Variants in PDE4D observed in about 807,000 individuals in gnomAD.
The protein encoded by PDE4D is 3',5'-cyclic-AMP phosphodiesterase 4D.
Under a neutral mutation model 87.4 loss-of-function variants are expected in PDE4D, and 24 were observed. The ratio of observed to expected loss-of-function variants is 0.27; its 90% CI spans 0.20 to 0.39. PDE4D has a LOEUF of 0.39. PDE4D is among the 10% of genes least tolerant of loss of function. PDE4D has a pLI of 1.00. For missense variants in PDE4D, 714 were observed against 1,041.0 expected (o/e 0.69, Z 4.32); for synonymous variants, 384 against 383.2 (o/e 1.00, Z -0.02).
chr5:59,049,692 A>G (rs80162459), intron 5 of PDE4D, among the ~76,000 whole-genome samples: 2 of 152,206 alleles, frequency 1.3e-5, no homozygotes, highest in Non-Finnish European at 2.9e-5. Context: ...TCATATTATC[A>G]ATATTTTTCA....
In PDE4D at chr5:59,496,438, G is replaced by A. The variant is rs557531185; in HGVS notation, c.456-280470C>T. On this transcript the variant is annotated intron_variant, in intron 1 of 14. Coordinates refer to ENST00000340635, the MANE Select transcript of PDE4D (RefSeq NM_001104631.2). ...GTCCGTGGGCACAGGCCTGGGGGTG[G>A]AGCCCTCGCCAGGGACTCACCCTTC... Among the ~76,000 whole-genome samples, 7 of 152,238 alleles carry A rather than the reference G, an allele frequency of 4.6e-5. No homozygotes were observed. In the East Asian group the frequency reaches 1.2e-3, roughly 25 times the overall value.
chr5:59,814,050 G>C (rs1395539387), intron 1 of PDE4D, among the ~76,000 whole-genome samples: 1 of 152,132 alleles, frequency 6.6e-6, no homozygotes, highest in Non-Finnish European at 1.5e-5. Context: ...TAGCGATTGC[G>C]CTTAGAAAAA....
At chr5:59,252,752 C>A (rs952379131) in intron 1 of PDE4D, among the ~76,000 whole-genome samples, 2 of 152,024 alleles carry the variant, frequency 1.3e-5, no homozygotes, top group Non-Finnish European at 2.9e-5. Flanking sequence ...GTCTTACATT[C>A]CTGGACTCAA....
chr5:59,730,495 T>C (rs1050739540), intron 1 of PDE4D, among the ~76,000 whole-genome samples: 5 of 152,162 alleles, frequency 3.3e-5, no homozygotes, highest in African/African-American at 1.2e-4. Flanking sequence ...ATGCACGGAA[T>C]AGTGGAGAGT....
intron 1 of PDE4D, among the ~76,000 whole-genome samples, chr5:60,486,715 T>C (rs16878136): frequency 0.016 from 2,369 of 152,356 alleles, 45 homozygotes; most frequent in Non-Finnish European, 0.02. Flanking sequence ...AATTGCCAAC[T>C]ATAGCTATTA....
chr5:59,964,272 A>T lies in PDE4D; in HGVS notation c.272+24216T>A, dbSNP rs116705775. ...TCTCATTATGAGAATGAAAAGTTCA[A>T]TTTTTTTAAATAAAATTAACCAATA... On this transcript the variant is annotated intron_variant, in intron 3 of 16. Transcript: ENST00000502484. 8.2e-3 allele frequency among the ~76,000 whole-genome samples: 1,256 copies of T among 152,296 alleles called. 16 individuals are homozygous for T. The highest frequency in any genetic ancestry group is 0.029 in the African/African-American group (1,194 of 41,556).
chr5:60,465,340 G>A lies in PDE4D; in HGVS notation c.-90+22602C>T, dbSNP rs138593233. Among the ~76,000 whole-genome samples, 67 of 152,164 alleles carry A rather than the reference G, an allele frequency of 4.4e-4. 1 individual carries two copies. Among genetic ancestry groups the A allele is most frequent in the African/African-American group, 1.6e-3 (66 of 41,530 alleles). ...AGTTAGTTTAAAAGTGAGACTAAATGCTCACCCTCCATAAGTCAAGACTTC... is the reference window on the plus strand; with the variant it reads ...AGTTAGTTTAAAAGTGAGACTAAATACTCACCCTCCATAAGTCAAGACTTC... On this transcript the variant is annotated intron_variant, in intron 1 of 16. Transcript: ENST00000502484.
chr5:59,737,564 G>A (rs1484242269), intron 1 of PDE4D, among the ~76,000 whole-genome samples: 2 of 152,010 alleles, frequency 1.3e-5, no homozygotes, highest in East Asian at 1.9e-4. Context: ...CTTTACAAAT[G>A]TAAGAAATTA....
chr5:59,130,666 G>A (rs1021045146), intron 5 of PDE4D, among the ~76,000 whole-genome samples: 1 of 152,160 alleles, frequency 6.6e-6, no homozygotes, highest in East Asian at 1.9e-4. Flanking sequence ...TCAAAAGGGT[G>A]TGTGAATCAA....
intron 1 of PDE4D, among the ~76,000 whole-genome samples, chr5:59,857,660 T>C (rs948735619): frequency 6.6e-6 from 1 of 152,088 alleles, no homozygotes; most frequent in African/African-American, 2.4e-5. Context: ...CTGGAAGACA[T>C]TTCTCAATGA....
At chr5:60,344,876 G>A (rs1240132517) in intron 1 of PDE4D, among the ~76,000 whole-genome samples, 3 of 151,924 alleles carry the variant, frequency 2.0e-5, no homozygotes, top group African/African-American at 7.3e-5. Flanking sequence ...AAATTATATT[G>A]ATTTTCTGAT....
chr5:60,366,402 C>T (rs553985569), intron 1 of PDE4D, among the ~76,000 whole-genome samples: 26 of 152,230 alleles, frequency 1.7e-4, no homozygotes, highest in South Asian at 2.1e-4. Flanking sequence ...GGCTAAAACA[C>T]CACTATTGTT....
At chr5:60,404,358 G>C (rs1303395563) in intron 1 of PDE4D, among the ~76,000 whole-genome samples, 2 of 152,078 alleles carry the variant, frequency 1.3e-5, no homozygotes, top group South Asian at 2.1e-4. Flanking sequence ...TTGTTAACCT[G>C]AATGTAATTG....
upstream of PDE4D, among the ~76,000 whole-genome samples, chr5:59,897,000 G>C (rs922652884): frequency 1.3e-5 from 2 of 152,158 alleles, no homozygotes; most frequent in African/African-American, 4.8e-5. Context: ...GTTGACCATA[G>C]ATTTTGGAGT....
intron 2 of PDE4D, among the ~76,000 whole-genome samples, chr5:60,167,266 C>CTTTTT (rs142613050): frequency 5.4e-4 from 47 of 86,488 alleles, no homozygotes; most frequent in Non-Finnish European, 6.5e-4. Flanking sequence ...TGTGTATTTT[C>CTTTTT]TTTTTTTTTT....
At chr5:59,848,048 C>A (rs1744122609) in intron 1 of PDE4D, among the ~76,000 whole-genome samples, 1 of 151,990 alleles carries the variant, frequency 6.6e-6, no homozygotes, top group African/African-American at 2.4e-5. Flanking sequence ...AAGAGCAATT[C>A]TTCAAAAGAA....
rs10641798 is a variant in PDE4D, at chr5:59,202,033, A to ATTTTTTT, written c.648-8504_648-8498dup. Among the ~76,000 whole-genome samples the ATTTTTTT allele has an allele frequency of 8.7e-3, 833 of 95,252 alleles. 58 individuals carry two copies. Among genetic ancestry groups the ATTTTTTT allele is most frequent in the African/African-American group, 0.02 (461 of 23,374 alleles). The allele number at this position is 95,252 out of a possible 152,430, so 62.5% of individuals were successfully genotyped here. A position where few individuals can be genotyped will look rare whatever the true frequency, so the allele number is the denominator to read the frequency against. On this transcript the variant is annotated intron_variant, in intron 2 of 14. Transcript: ENST00000340635. Reference sequence around the variant, plus strand: ...ATGCAGCTTTTCTGGTGTTTTGATCATTTTTTTTTTTTTTTTTTTTTCTGA... The same window carrying ATTTTTTT: ...ATGCAGCTTTTCTGGTGTTTTGATCATTTTTTTTTTTTTTTTTTTTTTTTTTTTCTGA...
intron 6 of PDE4D, among the ~76,000 whole-genome samples, chr5:58,999,000 CACTT>C (rs1749854019): frequency 1.3e-5 from 2 of 152,060 alleles, no homozygotes; most frequent in African/African-American, 2.4e-5. Flanking sequence ...ACTTTAGTAT[CACTT>C]ACATAGTTAA....
At chr5:59,784,346 A>G (rs574827047) in intron 1 of PDE4D, among the ~76,000 whole-genome samples, 2 of 152,218 alleles carry the variant, frequency 1.3e-5, no homozygotes, top group South Asian at 4.1e-4. Context: ...TAAAGTCAGT[A>G]CAAATGATAT....
Sources: gnomAD v4.1 joint callset for allele counts (sites outside exome capture counted in the v4.1 genomes callset) on GRCh38, gnomAD v4.1.1 for gene constraint, MANE v1.5 for transcripts, NCBI Gene and HGNC (gene_info 2026-07-23, HGNC 2026-07-21) for gene names.